Variants in FNBP1L observed in about 807,000 individuals in gnomAD.
The protein encoded by FNBP1L is formin binding protein 1 like, also known as formin-binding protein 1-like.
A neutral mutation model predicts 91.2 loss-of-function variants in FNBP1L; 36 were observed. That is an observed-to-expected ratio of 0.39 (90% CI 0.30 to 0.52). FNBP1L has a LOEUF of 0.52. Ranked by LOEUF, FNBP1L falls within the 20% of genes least tolerant of loss-of-function variation. The pLI is 0.66. For missense variants in FNBP1L, 571 were observed against 732.1 expected, an observed-to-expected ratio of 0.78 and a Z score of 2.54; for synonymous variants, 242 against 237.0, an observed-to-expected ratio of 1.02 and a Z score of -0.19.
At chr1:93,490,578 G>A (rs1458856218) in intron 1 of FNBP1L, among the ~76,000 whole-genome samples, 1 of 152,168 alleles carries the variant, frequency 6.6e-6, no homozygotes. Context: ...AAATGAGGAA[G>A]TTGAACTCTG....
At chr1:93,452,138 A>G (rs888648320) in intron 1 of FNBP1L, among the ~76,000 whole-genome samples, 2 of 152,360 alleles carry the variant, frequency 1.3e-5, no homozygotes, top group African/African-American at 4.8e-5. Context: ...GTAAGTGACT[A>G]GATTGTCCTT....
chr1:93,479,398 C>T (rs1247073677), intron 1 of FNBP1L, among the ~76,000 whole-genome samples: 2 of 152,194 alleles, frequency 1.3e-5, no homozygotes, highest in Admixed American at 1.3e-4. Context: ...CACGTATTAT[C>T]TTGATAAATA....
chr1:93,495,112 G>A (rs1670219745), intron 1 of FNBP1L, among the ~76,000 whole-genome samples: 1 of 152,162 alleles, frequency 6.6e-6, no homozygotes, highest in African/African-American at 2.4e-5. Context: ...ATAGTGATAT[G>A]TGTAAAATAT....
intron 1 of FNBP1L, among the ~76,000 whole-genome samples, chr1:93,484,893 C>T (rs896706509): frequency 6.6e-6 from 1 of 152,132 alleles, no homozygotes; most frequent in African/African-American, 2.4e-5. Context: ...ATGGCTCACA[C>T]CTGTAATCAA....
Position 93,552,624 on chromosome 1 carries a change from TCA to T in FNBP1L, c.*211_*212del, listed in dbSNP as rs201497887. ...TAATACCAACCCTTAAGTTCCTAGTTCACAGTTATTCCCACAAAAGAAAAAGC... is the reference window on the plus strand; with the variant it reads ...TAATACCAACCCTTAAGTTCCTAGTTCAGTTATTCCCACAAAAGAAAAAGC... On this transcript the variant is annotated 3_prime_UTR_variant, in exon 17 of 17. Coordinates refer to ENST00000271234, the MANE Select transcript of FNBP1L (RefSeq NM_001164473.3). The T allele has an allele frequency of 1.4e-3, 611 of 444,502 alleles. 14 individuals carry two copies. In the East Asian group the frequency reaches 0.015, roughly 11 times the overall value. 27.5% of individuals were successfully genotyped at this position (444,502 alleles called of 1,614,324 possible).
chr1:93,511,503 G>T (rs1670840798), intron 2 of FNBP1L, among the ~76,000 whole-genome samples: 1 of 152,110 alleles, frequency 6.6e-6, no homozygotes, highest in African/African-American at 2.4e-5. Context: ...GCAAAATCAT[G>T]CCAAAATGTA....
chr1:93,544,231 AG>A lies in FNBP1L; in HGVS notation c.1274+16del. On this transcript the variant is annotated intron_variant, in intron 12 of 16. Transcript: ENST00000271234. ...TCAGACCAAAAGTATTATTCCTTTA[AG>A]TTTTCTCTATCATTATTATTTTAGG... 1.3e-6 allele frequency: 2 copies of A among 1,556,864 alleles called. No individual in the cohort carries two copies. The highest frequency in any genetic ancestry group is 1.8e-6 in the Non-Finnish European group (2 of 1,134,188).
chr1:93,464,902 G>C (rs1482169068), intron 1 of FNBP1L, among the ~76,000 whole-genome samples: 1 of 152,048 alleles, frequency 6.6e-6, no homozygotes, highest in East Asian at 1.9e-4. Flanking sequence ...TATTACTTCT[G>C]TCAGGTACCT....
chr1:93,479,824 G>A (rs894554463), intron 1 of FNBP1L, among the ~76,000 whole-genome samples: 12 of 152,102 alleles, frequency 7.9e-5, no homozygotes, highest in East Asian at 1.9e-4. Flanking sequence ...AAGGTGCACT[G>A]ATTTCATATT....
chr1:93,541,237 G>A (rs1672033468), intron 11 of FNBP1L, among the ~76,000 whole-genome samples, 181 bp downstream of exon 11: 1 of 152,084 alleles, frequency 6.6e-6, no homozygotes, highest in South Asian at 2.1e-4. Context: ...ATTAGAAAAT[G>A]TGGTTAATTG....
rs145384271 is a variant in FNBP1L, at chr1:93,553,133, G to C, written c.*717G>C. ...CATCTCTGCTGTAGCCTACAGCCCA[G>C]TTGAAAGAACTCTTTGAAACGTGAT... On this transcript the variant is annotated 3_prime_UTR_variant, in exon 17 of 17. Coordinates refer to ENST00000271234, the MANE Select transcript of FNBP1L (RefSeq NM_001164473.3). 5.9e-4 allele frequency: 90 copies of C among 152,750 alleles called. No individual in the cohort carries two copies. Among genetic ancestry groups the C allele is most frequent in the African/African-American group, 2.1e-3 (87 of 41,576 alleles). 9.5% of individuals were successfully genotyped at this position (152,750 alleles called of 1,614,324 possible). A position where few individuals can be genotyped will look rare whatever the true frequency, so the allele number is the denominator to read the frequency against.
intron 1 of FNBP1L, among the ~76,000 whole-genome samples, chr1:93,467,360 A>G (rs1669124576): frequency 6.6e-6 from 1 of 152,220 alleles, no homozygotes; most frequent in African/African-American, 2.4e-5. Context: ...TGAGGACATC[A>G]TGTTAAGTGA....
chr1:93,514,002 A>G (rs934437181), intron 2 of FNBP1L, among the ~76,000 whole-genome samples: 26 of 152,224 alleles, frequency 1.7e-4, no homozygotes, highest in African/African-American at 6.3e-4. Context: ...AGACGACATG[A>G]TTGTATATCT....
In FNBP1L at chr1:93,497,656, A is replaced by G. The variant is rs534633225; in HGVS notation, c.25-1812A>G. On this transcript the variant is annotated intron_variant, in intron 1 of 16. Coordinates refer to ENST00000271234, the MANE Select transcript of FNBP1L (RefSeq NM_001164473.3). ...ATTTTTTGAGACAGAGTCTCACTCTATTGCCCAGACTGGAGTGCAGTGGCA... is the reference window on the plus strand; with the variant it reads ...ATTTTTTGAGACAGAGTCTCACTCTGTTGCCCAGACTGGAGTGCAGTGGCA... Among the ~76,000 whole-genome samples the G allele has an allele frequency of 1.8e-4, 28 of 152,248 alleles. 1 individual carries two copies. The highest frequency in any genetic ancestry group is 3.9e-4 in the East Asian group (2 of 5,174).
chr1:93,490,822 G>A (rs1431286310), intron 1 of FNBP1L, among the ~76,000 whole-genome samples: 5 of 152,158 alleles, frequency 3.3e-5, no homozygotes, highest in Admixed American at 1.3e-4. Context: ...TAGTCCCAAA[G>A]TATTTGCTGA....
chr1:93,471,189 A>G (rs914001535), intron 1 of FNBP1L, among the ~76,000 whole-genome samples: 1 of 152,112 alleles, frequency 6.6e-6, no homozygotes, highest in South Asian at 2.1e-4. Flanking sequence ...CATTTTATTT[A>G]CTGGTTGAGC....
intron 13 of FNBP1L, 80 bp from the exon 14 acceptor site, chr1:93,547,267 A>G: frequency 1.7e-6 from 2 of 1,181,006 alleles, no homozygotes; most frequent in Non-Finnish European, 2.4e-6. Flanking sequence ...AAAAACTTAA[A>G]CACATTTTAA....
intron 1 of FNBP1L, 108 bp downstream of exon 1, chr1:93,448,413 T>C: frequency 8.1e-7 from 1 of 1,236,174 alleles, no homozygotes; most frequent in Non-Finnish European, 1.1e-6. Context: ...CCGTCCTCGG[T>C]CCGGCGCTGG....
Position 93,448,216 on chromosome 1 carries a change from C to G in FNBP1L, c.-66C>G. 6.6e-7 allele frequency: 1 copy of G among 1,515,504 alleles called. No individual in the cohort carries two copies. The highest frequency in any genetic ancestry group is 2.8e-5 in the East Asian group (1 of 35,636). The allele number at this position is 1,515,504 out of a possible 1,614,324, so 93.9% of individuals were successfully genotyped here. On this transcript the variant is annotated 5_prime_UTR_variant, in exon 1 of 17. Transcript: ENST00000271234. ...GCCCGCCGGCCAGCGAGTGAGAGGT[C>G]GGACAGACTGTGGAGCCGACAGACT...
Sources: allele counts gnomAD v4.1 joint callset (sites outside exome capture counted in the v4.1 genomes callset), GRCh38; gene constraint gnomAD v4.1.1; transcripts MANE v1.5; gene names NCBI Gene and HGNC (gene_info 2026-07-23, HGNC 2026-07-21).